The following NUP88 variants were observed in gnomAD, a reference collection of about 807,000 sequenced individuals.
The protein encoded by NUP88 is nucleoporin 88.
NUP88 carries 57 observed loss-of-function variants against 93.9 expected under a neutral mutation model. That is an observed-to-expected ratio of 0.61 (90% confidence interval 0.49 to 0.76). The LOEUF (loss-of-function observed/expected upper bound fraction) is 0.76. Ranked by LOEUF, NUP88 falls within the 30% of genes least tolerant of loss-of-function variation. The pLI is 0.00. For synonymous variants in NUP88, 346 were observed against 336.8 expected (o/e 1.03, Z -0.30); for missense variants, 911 against 901.0 (o/e 1.01, Z -0.14).
chr17:5,397,119 C>T (rs1912823353), intron 8 of NUP88, among the ~76,000 whole-genome samples: 1 of 152,050 alleles, frequency 6.6e-6, no homozygotes, highest in Admixed American at 6.6e-5. Flanking sequence ...GTGGGTGGAT[C>T]ATTTGAGCCC....
rs1316448543 is a variant in NUP88, at chr17:5,385,098, GT to G, written c.*1107del. On this transcript the variant is annotated 3_prime_UTR_variant, in exon 17 of 17. Transcript: ENST00000573584. ...ATAAAATCATCACAATTAGGGAATG[GT>G]TAGTGGTCTCTACTGTGGCAAATGC... 4.4e-6 allele frequency: 1 copy of G among 229,350 alleles called. No homozygotes were observed. Among genetic ancestry groups the G allele is most frequent in the African/African-American group, 2.2e-5 (1 of 45,172 alleles). The allele number at this position is 229,350 out of a possible 1,614,324, so 14.2% of individuals were successfully genotyped here. A position where few individuals can be genotyped will look rare whatever the true frequency, so the allele number is the denominator to read the frequency against.
At position 5,391,584 on chromosome 17, in the gene NUP88, A is replaced by T. The variant is rs370847801; in HGVS notation, c.1461T>A (p.Tyr487Ter). Residue 487 changes from tyrosine to a stop codon, truncating the protein, a stop_gained, in exon 10 of 17, where the codon TAT (tyrosine) becomes TAA (stop). Transcript: ENST00000573584. LOFTEE classifies it high-confidence loss of function. The stretch of plus-strand genomic sequence containing the variant: ...ACAATAACGGCCATATGAGGCATTC[A>T]TAGGTACTGGTGATGCAGATCATCG... ...GPTMICITSTYECLIWPLLST... is the reference protein window; with the variant it reads ...GPTMICITST The T allele has an allele frequency of 2.5e-6, 4 of 1,613,790 alleles. No individual in the cohort carries two copies. The highest frequency in any genetic ancestry group is 3.4e-6 in the Non-Finnish European group (4 of 1,179,754).
rs184163878 is a variant in NUP88, at chr17:5,391,791, A to C, written c.1383-129T>G. The C allele has an allele frequency of 4.9e-4, 335 of 684,792 alleles. 1 individual carries two copies. The highest frequency in any genetic ancestry group is 9.0e-5 in the Non-Finnish European group (35 of 387,726). The allele number at this position is 684,792 out of a possible 1,614,324, so 42.4% of individuals were successfully genotyped here. ...GCTTGGGACATCCTATCAGTACCAT[A>C]ACCTCAAAAGTGGTGGCTTGGAAAC... On this transcript the variant is annotated intron_variant, in intron 9 of 16. Transcript: ENST00000573584.
intron 9 of NUP88, among the ~76,000 whole-genome samples, chr17:5,393,160 T>C (rs1912550085): frequency 6.6e-6 from 1 of 152,068 alleles, no homozygotes; most frequent in Non-Finnish European, 1.5e-5. Flanking sequence ...TTTCACCACG[T>C]TGGCCAGGCT....
chr17:5,414,985 ATTTAT>A (rs1027163320), intron 2 of NUP88, among the ~76,000 whole-genome samples: 2 of 150,714 alleles, frequency 1.3e-5, no homozygotes, highest in African/African-American at 4.9e-5. Context: ...TAAATAATTT[ATTTAT>A]TTTAATAATT....
In NUP88 at chr17:5,410,749, T is replaced by C. The variant is rs1567575924; in HGVS notation, c.634A>G (p.Ile212Val). 2 of 1,613,182 alleles carry C rather than the reference T, an allele frequency of 1.2e-6. No homozygotes were observed. Among genetic ancestry groups the C allele is most frequent in the African/African-American group, 1.3e-5 (1 of 75,034 alleles). The change falls in exon 4 of 17, where the codon ATA (isoleucine) becomes GTA (valine). Residue 212 changes from isoleucine (I) to valine (V), a missense_variant. By Grantham distance (29) the Ile-to-Val change is conservative (BLOSUM62 3). Transcript: ENST00000573584. ...TCCTCTTCGGCTTCTGAAAGTATTA[T>C]CACGTTAGTGGGTGTCTGCGGCTCA... ...LREPQTPTNVIILSEAEEESL... is the reference protein window; with the variant it reads ...LREPQTPTNVVILSEAEEESL...
At position 5,409,036 on chromosome 17, in the gene NUP88, A is replaced by T. The variant is rs985681568; in HGVS notation, c.681-127T>A. On this transcript the variant is annotated intron_variant, in intron 4 of 16. Transcript: ENST00000573584. ...GTGGGTATGTATGGAATTTGTAGGCAATGGACTGAAAAGACAAAAAATGAT... is the reference window on the plus strand; with the variant it reads ...GTGGGTATGTATGGAATTTGTAGGCTATGGACTGAAAAGACAAAAAATGAT... 4.1e-6 allele frequency: 3 copies of T among 725,414 alleles called. No individual in the cohort carries two copies. In the African/African-American group the frequency reaches 5.5e-5, roughly 13 times the overall value. 44.9% of individuals were successfully genotyped at this position (725,414 alleles called of 1,614,324 possible).
chr17:5,413,814 G>A lies in NUP88; in HGVS notation c.593+195C>T, dbSNP rs566906536. Among the ~76,000 whole-genome samples, 6 of 152,360 alleles carry A rather than the reference G, an allele frequency of 3.9e-5. No individual in the cohort carries two copies. In the South Asian group the frequency reaches 1.2e-3, roughly 32 times the overall value. ...GAGAGGAGATACCTGGAGGCAGGAA[G>A]ACTAGTTGAGAAGGAATAGTGGTAA... On this transcript the variant is annotated intron_variant, in intron 3 of 16. Transcript: ENST00000573584.
At chr17:5,404,282 G>C in intron 6 of NUP88, 36 bp from the exon 7 acceptor site, 1 of 1,607,412 alleles carries the variant, frequency 6.2e-7, no homozygotes, top group Non-Finnish European at 8.5e-7. Flanking sequence ...GATCTTGCAT[G>C]TTAATTTGAA....
chr17:5,387,487 A>G (rs1418278965), intron 13 of NUP88, 21 bp from the exon 14 acceptor site: 2 of 1,612,328 alleles, frequency 1.2e-6, no homozygotes, highest in Non-Finnish European at 1.7e-6. Flanking sequence ...AAGACACAAG[A>G]GACTCTTGAG....
intron 16 of NUP88, 43 bp downstream of exon 16, chr17:5,386,665 A>G: frequency 1.5e-6 from 2 of 1,318,326 alleles, no homozygotes; most frequent in Admixed American, 3.4e-5. Flanking sequence ...CTGTAAAGGA[A>G]AAACTATCTC....
intron 2 of NUP88, among the ~76,000 whole-genome samples, chr17:5,415,684 T>C (rs535059162): frequency 1.3e-5 from 2 of 152,272 alleles, no homozygotes; most frequent in South Asian, 4.1e-4. Context: ...AAATCCTACG[T>C]TGAACCATCC....
chr17:5,391,775 A>AT lies in NUP88; in HGVS notation c.1383-114dup, dbSNP rs1912452755. 3 of 769,404 alleles carry AT rather than the reference A, an allele frequency of 3.9e-6. No homozygotes were observed. The Admixed American group carries it at 6.1e-5, about 16-fold the overall frequency. 47.7% of individuals were successfully genotyped at this position (769,404 alleles called of 1,614,324 possible). A position where few individuals can be genotyped will look rare whatever the true frequency, so the allele number is the denominator to read the frequency against. ...GGCCTGGGCTGAAGTTGCTTGGGACATCCTATCAGTACCATAACCTCAAAA... is the reference window on the plus strand; with the variant it reads ...GGCCTGGGCTGAAGTTGCTTGGGACATTCCTATCAGTACCATAACCTCAAAA... On this transcript the variant is annotated intron_variant, in intron 9 of 16. Coordinates refer to ENST00000573584, the MANE Select transcript of NUP88 (RefSeq NM_002532.6).
intron 2 of NUP88, among the ~76,000 whole-genome samples, chr17:5,415,561 T>C (rs969054595): frequency 1.3e-5 from 2 of 152,246 alleles, no homozygotes; most frequent in African/African-American, 4.8e-5. Flanking sequence ...AAAAGCAGTT[T>C]CTACCTTATA....
At position 5,410,688 on chromosome 17, in the gene NUP88, C is replaced by CAA. The variant is rs1567575858; in HGVS notation, c.680+13_680+14dup. The CAA allele has an allele frequency of 6.7e-7, 1 of 1,497,488 alleles. No individual in the cohort carries two copies. Among genetic ancestry groups the CAA allele is most frequent in the Non-Finnish European group, 9.2e-7 (1 of 1,088,990 alleles). The allele number at this position is 1,497,488 out of a possible 1,614,324, so 92.8% of individuals were successfully genotyped here. Reference sequence around the variant, plus strand: ...CTAATTAAAAAACCATTTCAAGACTCAAATAAAAACTTACCCTTTATTGAG... The same window carrying CAA: ...CTAATTAAAAAACCATTTCAAGACTCAAAAATAAAAACTTACCCTTTATTGAG... On this transcript the variant is annotated intron_variant, in intron 4 of 16. Coordinates refer to ENST00000573584, the MANE Select transcript of NUP88 (RefSeq NM_002532.6).
rs1240238682 is a variant in NUP88 at position 5,388,884 on chromosome 17, C to T, written c.1561G>A (p.Val521Ile). 1.9e-6 allele frequency: 3 copies of T among 1,614,014 alleles called. No homozygotes were observed. Among genetic ancestry groups the T allele is most frequent in the South Asian group, 2.2e-5 (2 of 91,074 alleles). Residue 521 changes from valine to isoleucine, a missense_variant, in exon 11 of 17, where the codon GTT becomes ATT. Val to Ile is a conservative substitution (Grantham distance 29). Coordinates refer to ENST00000573584, the MANE Select transcript of NUP88 (RefSeq NM_002532.6). ...AAGGAATCTGGGGTTTCAGCCAGAA[C>T]ACGGAGGGGAGACTCTGCCACTTCA... The part of the protein sequence containing the change: ...DVEVAESPLR[V>I]LAETPDSFEK...
In NUP88 at chr17:5,386,113, C is replaced by A; in HGVS notation, c.*93G>T. ...ACCACACCAAAGGTCATCAAAACACCTTTTTATAAATTAGATAATTCTACC... is the reference window on the plus strand; with the variant it reads ...ACCACACCAAAGGTCATCAAAACACATTTTTATAAATTAGATAATTCTACC... On this transcript the variant is annotated 3_prime_UTR_variant, in exon 17 of 17. Transcript: ENST00000573584. 5.3e-6 allele frequency: 5 copies of A among 937,890 alleles called. No individual in the cohort carries two copies. Among genetic ancestry groups the A allele is most frequent in the East Asian group, 2.7e-5 (1 of 37,486 alleles). 58.1% of individuals were successfully genotyped at this position (937,890 alleles called of 1,614,324 possible).
rs1023248841 is a variant in NUP88 at position 5,414,090 on chromosome 17, A to G, written c.512T>C (p.Leu171Pro). 4.3e-6 allele frequency: 7 copies of G among 1,613,654 alleles called. No homozygotes were observed. Among genetic ancestry groups the G allele is most frequent in the Non-Finnish European group, 4.2e-6 (5 of 1,179,654 alleles). The change falls in exon 3 of 17, where the codon CTG becomes CCG. Residue 171 changes from leucine (L) to proline (P), a missense_variant. Leu to Pro is a moderately conservative substitution (Grantham distance 98). Coordinates refer to ENST00000573584, the MANE Select transcript of NUP88 (RefSeq NM_002532.6). The stretch of plus-strand genomic sequence containing the variant: ...ATACCATGCAGCATGCTTTAGAGTC[A>G]GAGAGGTGGAACTGGTGAAAAATCT... ...AERFFTSSTS[L>P]TLKHAAWYPS... is the part of the protein sequence containing the mutation.
chr17:5,394,152 C>T (rs72837884), intron 9 of NUP88, among the ~76,000 whole-genome samples: 4,975 of 152,062 alleles, frequency 0.033, 116 homozygotes, highest in Non-Finnish European at 0.048. Context: ...TGGGCTAGGG[C>T]GATATGGATG....
Sources: gnomAD v4.1 joint callset for allele counts (sites outside exome capture counted in the v4.1 genomes callset) on GRCh38, gnomAD v4.1.1 for gene constraint, MANE v1.5 for transcripts, NCBI Gene and HGNC (gene_info 2026-07-23, HGNC 2026-07-21) for gene names.